The following ZFYVE21 variants were observed in gnomAD, a reference collection of about 807,000 sequenced individuals.
The protein encoded by ZFYVE21 is zinc finger FYVE domain-containing protein 21.
In ZFYVE21, 21 loss-of-function variants were observed where a neutral mutation model predicts 29.5. That is an observed-to-expected ratio of 0.71 (90% CI 0.50 to 1.02). The LOEUF (loss-of-function observed/expected upper bound fraction) is 1.02, where lower values mean the gene tolerates loss of function less well. Ranked by LOEUF, ZFYVE21 falls within the 50% of genes least tolerant of loss-of-function variation. The pLI is 0.00. For missense variants in ZFYVE21, 326 were observed against 335.4 expected (o/e 0.97, Z 0.22); for synonymous variants, 151 against 133.8 (o/e 1.13, Z -0.89).
intron 5 of ZFYVE21, 126 bp downstream of exon 5, chr14:103,729,308 C>G (rs2083954918): frequency 1.1e-6 from 1 of 903,516 alleles, no homozygotes; most frequent in Non-Finnish European, 1.7e-6. Context: ...GTTTCCAGGA[C>G]AATCTGCCTT....
intron 2 of ZFYVE21, 83 bp from the exon 3 acceptor site, chr14:103,727,663 G>A: frequency 6.4e-7 from 1 of 1,560,666 alleles, no homozygotes; most frequent in East Asian, 2.3e-5. Context: ...CGTGGCCCGG[G>A]GAGTGCCAGG....
chr14:103,718,884 G>A (rs1219246252), intron 1 of ZFYVE21, among the ~76,000 whole-genome samples: 1 of 152,220 alleles, frequency 6.6e-6, no homozygotes, highest in Non-Finnish European at 1.5e-5. Flanking sequence ...GTCTGATCAC[G>A]AGCCTGGACT....
intron 1 of ZFYVE21, among the ~76,000 whole-genome samples, chr14:103,723,036 C>G (rs1456874179): frequency 1.3e-5 from 2 of 152,196 alleles, no homozygotes; most frequent in African/African-American, 2.4e-5. Context: ...CTTTCACCAC[C>G]GTCTGCTGAG....
rs1400408806 is a variant in ZFYVE21 at position 103,716,961 on chromosome 14, G to C, written c.138+982G>C. ...AATATGACTTTCATACTTAACACGTGTTACAGATTCGTTTAATTCCCTCAG... is the reference window on the plus strand; with the variant it reads ...AATATGACTTTCATACTTAACACGTCTTACAGATTCGTTTAATTCCCTCAG... On this transcript the variant is annotated intron_variant, in intron 1 of 6. Coordinates refer to ENST00000311141, the MANE Select transcript of ZFYVE21 (RefSeq NM_024071.4). This position sits in a 1 kb window ranked among gnomAD's most constrained non-coding sequence, Gnocchi z 4.8. Among the ~76,000 whole-genome samples the C allele has an allele frequency of 3.3e-5, 5 of 152,166 alleles. No individual in the cohort carries two copies. The highest frequency in any genetic ancestry group is 7.3e-5 in the Non-Finnish European group (5 of 68,040).
chr14:103,733,247 C>A lies in ZFYVE21; in HGVS notation c.*229C>A. The A allele has an allele frequency of 1.8e-6, 1 of 561,112 alleles. No individual in the cohort carries two copies. The highest frequency in any genetic ancestry group is 3.1e-6 in the Non-Finnish European group (1 of 319,854). The allele number at this position is 561,112 out of a possible 1,614,324, so 34.8% of individuals were successfully genotyped here. On this transcript the variant is annotated 3_prime_UTR_variant, in exon 7 of 7. Transcript: ENST00000311141. ...TTTTAGAATTTGTGTATTGTCAATA[C>A]TTAATTGGGGGTGGGAGAGACTGAG...
At chr14:103,730,026 T>C (rs1447314536) in intron 5 of ZFYVE21, 1 of 669,966 alleles carries the variant, frequency 1.5e-6, no homozygotes, top group East Asian at 2.8e-5. Context: ...AAAGCATAAA[T>C]GAAGATACCG....
chr14:103,729,893 G>A lies in ZFYVE21; in HGVS notation c.526+711G>A, dbSNP rs1371314434. On this transcript the variant is annotated intron_variant, in intron 5 of 6. Transcript: ENST00000311141. ...GGGGCTCCCCGCATGCAGCGGGCCC[G>A]TTCCTCCCCTCGCCACCTGGCTTCT... is the stretch of plus-strand genomic sequence containing the variant. 30 of 1,530,242 alleles carry A rather than the reference G, an allele frequency of 2.0e-5. No individual in the cohort carries two copies. The East Asian group carries it at 5.4e-4, about 27-fold the overall frequency. The allele number at this position is 1,530,242 out of a possible 1,614,324, so 94.8% of individuals were successfully genotyped here.
intron 5 of ZFYVE21, chr14:103,730,130 G>A (rs1368550147): frequency 2.4e-6 from 1 of 420,550 alleles, no homozygotes; most frequent in Admixed American, 4.3e-5. Flanking sequence ...AACAGGCTGA[G>A]GCCAGGGGGC....
chr14:103,726,675 C>A, intron 1 of ZFYVE21, 117 bp from the exon 2 acceptor site: 1 of 1,302,690 alleles, frequency 7.7e-7, no homozygotes, highest in Non-Finnish European at 1.1e-6. Flanking sequence ...CTGCCTCAGG[C>A]TGCTTGGGTG....
chr14:103,726,957 T>TTTG (rs1357952161), intron 2 of ZFYVE21, 115 bp downstream of exon 2: 1 of 1,203,224 alleles, frequency 8.3e-7, no homozygotes. Flanking sequence ...CGTTTTTTTT[T>TTTG]TTTTTGAGAC....
At chr14:103,727,103 G>A in intron 2 of ZFYVE21, 2 of 429,878 alleles carry the variant, frequency 4.7e-6, no homozygotes, top group South Asian at 2.4e-5. Context: ...TTGCCACCAC[G>A]CCTGGCTAAT....
chr14:103,726,604 C>T (rs898350220), intron 1 of ZFYVE21, 188 bp from the exon 2 acceptor site: 12 of 696,568 alleles, frequency 1.7e-5, no homozygotes, highest in Admixed American at 9.1e-5. Flanking sequence ...TGCACCCCAC[C>T]GCATTGGCTC....
At chr14:103,723,182 C>T (rs1184298042) in intron 1 of ZFYVE21, among the ~76,000 whole-genome samples, 1 of 152,210 alleles carries the variant, frequency 6.6e-6, no homozygotes, top group African/African-American at 2.4e-5. Flanking sequence ...TTAAAACCCC[C>T]GTGAAGCTTT....
chr14:103,727,246 G>C (rs570584664), intron 2 of ZFYVE21: 1 of 353,922 alleles, frequency 2.8e-6, no homozygotes, highest in Non-Finnish European at 5.5e-6. Context: ...ACACCCAGCC[G>C]TTATGGCTCA....
At chr14:103,727,375 TG>T in intron 2 of ZFYVE21, 1 of 181,998 alleles carries the variant, frequency 5.5e-6, no homozygotes, top group South Asian at 6.3e-5. Flanking sequence ...CCGCCCCCTC[TG>T]CCCCCTCCGC....
intron 1 of ZFYVE21, chr14:103,725,999 A>C (rs1376307554): frequency 6.6e-6 from 1 of 152,266 alleles, no homozygotes; most frequent in Non-Finnish European, 1.5e-5. Context: ...ACCTTTGTAC[A>C]TTCTGTGTGC....
chr14:103,718,762 C>T (rs528552987), intron 1 of ZFYVE21, among the ~76,000 whole-genome samples: 1 of 152,320 alleles, frequency 6.6e-6, no homozygotes, highest in Non-Finnish European at 1.5e-5. Flanking sequence ...GTGCACCCCT[C>T]CCACCTCCCA....
intron 1 of ZFYVE21, among the ~76,000 whole-genome samples, chr14:103,721,896 A>G (rs760530410): frequency 2.0e-5 from 3 of 152,230 alleles, no homozygotes; most frequent in African/African-American, 7.2e-5. Context: ...ACACATGTGT[A>G]CCTGGGATGT....
At position 103,727,784 on chromosome 14, in the gene ZFYVE21, G is replaced by T. The variant is rs1411545325; in HGVS notation, c.228G>T (p.Arg76Ser). ...CRRCGKCFCD[R>S]CCSQKVPLRR... Reference sequence around the variant, plus strand: ...GCTGCGGGAAGTGCTTCTGCGACAGGTGCTGCAGCCAGAAGGTGCCGCTGC... The same window carrying T: ...GCTGCGGGAAGTGCTTCTGCGACAGTTGCTGCAGCCAGAAGGTGCCGCTGC... The change falls in exon 3 of 7, where the codon AGG (arginine) becomes AGT (serine). Residue 76 changes from arginine to serine, a missense_variant. Arg to Ser is a moderately radical substitution (Grantham distance 110). Coordinates refer to ENST00000311141, the MANE Select transcript of ZFYVE21 (RefSeq NM_024071.4). 1.2e-6 allele frequency: 2 copies of T among 1,611,820 alleles called. No individual in the cohort carries two copies. Among genetic ancestry groups the T allele is most frequent in the Non-Finnish European group, 1.7e-6 (2 of 1,179,866 alleles).
Sources: allele counts gnomAD v4.1 joint callset (sites outside exome capture counted in the v4.1 genomes callset), GRCh38; gene constraint gnomAD v4.1.1; non-coding constraint Gnocchi (gnomAD v3.1); transcripts MANE v1.5; gene names NCBI Gene and HGNC (gene_info 2026-07-23, HGNC 2026-07-21).